SKIC3: variants seen among roughly 807,000 people sequenced by gnomAD.
SKIC3 encodes the protein SKI3 subunit of superkiller complex.
the SKIC3 span, chr5:95,502,893 A>T: frequency 6.2e-7 from 1 of 1,613,762 alleles, no homozygotes; most frequent in Non-Finnish European, 8.5e-7. Context: ...TTAAATAGCA[A>T]TGTCTTGGCT....
chr5:95,533,416 T>C, the SKIC3 span, among the ~76,000 whole-genome samples: 1 of 152,110 alleles, frequency 6.6e-6, no homozygotes, highest in African/African-American at 2.4e-5. Context: ...AAGTTCTCAA[T>C]ACACTGAAAG....
chr5:95,482,104 G>T, the SKIC3 span, among the ~76,000 whole-genome samples: 4 of 152,140 alleles, frequency 2.6e-5, no homozygotes, highest in African/African-American at 9.7e-5. Flanking sequence ...CAGGTTATCT[G>T]TAAAGTAGCT....
the SKIC3 span, among the ~76,000 whole-genome samples, chr5:95,470,232 C>A: frequency 2.0e-5 from 3 of 152,134 alleles, no homozygotes; most frequent in Non-Finnish European, 4.4e-5. Context: ...CCCACCTCGG[C>A]CTCCCAAAGT....
At chr5:95,479,902 AAAAAC>A in the SKIC3 span, among the ~76,000 whole-genome samples, 1 of 152,116 alleles carries the variant, frequency 6.6e-6, no homozygotes, top group African/African-American at 2.4e-5. Flanking sequence ...CTCAAGAATA[AAAAAC>A]AAAAGATTAA....
At chr5:95,475,631 C>G in the SKIC3 span, among the ~76,000 whole-genome samples, 1 of 152,182 alleles carries the variant, frequency 6.6e-6, no homozygotes, top group African/African-American at 2.4e-5. Context: ...AGCAATGCAA[C>G]AGACGAATAC....
At chr5:95,521,137 C>T in the SKIC3 span, among the ~76,000 whole-genome samples, 1 of 151,942 alleles carries the variant, frequency 6.6e-6, no homozygotes, top group Non-Finnish European at 1.5e-5. Context: ...CTATATGTTA[C>T]TCTCCATGAT....
the SKIC3 span, among the ~76,000 whole-genome samples, chr5:95,537,665 CAT>C: frequency 1.2e-4 from 18 of 152,102 alleles, no homozygotes; most frequent in African/African-American, 3.9e-4. Flanking sequence ...AAGAACATTC[CAT>C]CACTTCTCTT....
chr5:95,517,292 G>T, the SKIC3 span: 4 of 1,613,148 alleles, frequency 2.5e-6, no homozygotes, highest in South Asian at 2.2e-5. Flanking sequence ...GCTTCCAGAG[G>T]CAGGACACAT....
chr5:95,513,573 G>A, the SKIC3 span: 1 of 1,613,134 alleles, frequency 6.2e-7, no homozygotes, highest in Non-Finnish European at 8.5e-7. Context: ...ATTCTTACAT[G>A]CATATTTAGT....
At chr5:95,529,155 G>T in the SKIC3 span, 1 of 1,474,410 alleles carries the variant, frequency 6.8e-7, no homozygotes, top group South Asian at 1.1e-5. Context: ...CTACATAGAT[G>T]AACAGCACCA....
chr5:95,548,307 C>A, the SKIC3 span, among the ~76,000 whole-genome samples: 1 of 151,892 alleles, frequency 6.6e-6, no homozygotes, highest in African/African-American at 2.4e-5. Flanking sequence ...TCCTTTATAT[C>A]CAAAGAAGAA....
At chr5:95,533,824 T>C in the SKIC3 span, among the ~76,000 whole-genome samples, 12 of 152,216 alleles carry the variant, frequency 7.9e-5, no homozygotes, top group African/African-American at 2.7e-4. Context: ...TGTAGACTAT[T>C]GTTGATCCTA....
At chr5:95,525,630 C>T in the SKIC3 span, 2 of 1,613,932 alleles carry the variant, frequency 1.2e-6, no homozygotes, top group African/African-American at 1.3e-5. Context: ...ATAGGCCAAG[C>T]TTTTGAGAAC....
the SKIC3 span, among the ~76,000 whole-genome samples, chr5:95,527,201 C>T: frequency 1.3e-5 from 2 of 152,158 alleles, no homozygotes; most frequent in East Asian, 1.9e-4. Flanking sequence ...CTTGGTTCAT[C>T]TTGTACATTT....
At chr5:95,488,022 A>G in the SKIC3 span, among the ~76,000 whole-genome samples, 1 of 152,104 alleles carries the variant, frequency 6.6e-6, no homozygotes, top group Non-Finnish European at 1.5e-5. Flanking sequence ...TCTAGAAATG[A>G]AGAATTCATT....
At chr5:95,535,472 G>T in the SKIC3 span, among the ~76,000 whole-genome samples, 1 of 151,798 alleles carries the variant, frequency 6.6e-6, no homozygotes, top group Non-Finnish European at 1.5e-5. Context: ...CACCGCGCCC[G>T]GCTAATTTTT....
chr5:95,503,375 A>G, the SKIC3 span, among the ~76,000 whole-genome samples: 1 of 152,220 alleles, frequency 6.6e-6, no homozygotes, highest in Non-Finnish European at 1.5e-5. Flanking sequence ...AGATATTTCA[A>G]TGCTCTATAC....
chr5:95,465,401 T>C, the SKIC3 span, among the ~76,000 whole-genome samples: 3 of 152,218 alleles, frequency 2.0e-5, no homozygotes, highest in African/African-American at 7.2e-5. Context: ...CTATAGGTTC[T>C]AGGCTTTATC....
At chr5:95,542,596 AACTG>A in the SKIC3 span, among the ~76,000 whole-genome samples, 1 of 152,200 alleles carries the variant, frequency 6.6e-6, no homozygotes, top group Non-Finnish European at 1.5e-5. Context: ...CAATTTCTCT[AACTG>A]TGTTACCAGA....
Sources: allele counts gnomAD v4.1 joint callset (sites outside exome capture counted in the v4.1 genomes callset), GRCh38; gene constraint gnomAD v4.1.1; transcripts MANE v1.5; gene names NCBI Gene and HGNC (gene_info 2026-07-23, HGNC 2026-07-21).